Variants in ZNF429 observed in about 807,000 individuals in gnomAD.
ZNF429 encodes the protein zinc finger protein 429.
ZNF429 carries 53 observed loss-of-function variants against 56.8 expected under a neutral mutation model. The ratio of observed to expected loss-of-function variants is 0.93; its 90% CI spans 0.75 to 1.17. ZNF429 has a LOEUF of 1.17. Among genes scored for constraint, ZNF429 ranks in the 50% most tolerant of loss-of-function variants. ZNF429 has a pLI of 0.00. For missense variants in ZNF429, 849 were observed against 788.4 expected (o/e 1.08, Z -0.92); for synonymous variants, 278 against 264.7 (o/e 1.05, Z -0.49).
At chr19:21,532,104 A>G in intron 3 of ZNF429, among the ~76,000 whole-genome samples, 1 of 152,170 alleles carries the variant, frequency 6.6e-6, no homozygotes, top group Non-Finnish European at 1.5e-5. Flanking sequence ...TTACAATTAA[A>G]AATATATCAA....
intron 1 of ZNF429, among the ~76,000 whole-genome samples, chr19:21,512,266 G>A (rs1317163445): frequency 6.6e-6 from 1 of 152,100 alleles, no homozygotes; most frequent in Non-Finnish European, 1.5e-5. Flanking sequence ...GTTACTCTCA[G>A]GGCCATCTTG....
At position 21,538,403 on chromosome 19, in the gene ZNF429, C is replaced by T. The variant is rs1391495232; in HGVS notation, c.*325C>T. ...GATCACGAGGTCAGGAGTTCAAGAC[C>T]AGCCTGGTCAACATGGTAAAACCCC... On this transcript the variant is annotated 3_prime_UTR_variant, in exon 4 of 4. Coordinates refer to ENST00000358491, the MANE Select transcript of ZNF429 (RefSeq NM_001001415.4). Among the ~76,000 whole-genome samples, 2 of 151,828 alleles carry T rather than the reference C, an allele frequency of 1.3e-5. No homozygotes were observed. The highest frequency in any genetic ancestry group is 2.9e-5 in the Non-Finnish European group (2 of 67,958).
At position 21,520,309 on chromosome 19, in the gene ZNF429, A is replaced by G. The variant is rs146748391; in HGVS notation, c.4-9349A>G. 2.5e-3 allele frequency among the ~76,000 whole-genome samples: 377 copies of G among 152,340 alleles called. 3 individuals carry two copies. The highest frequency in any genetic ancestry group is 8.9e-3 in the African/African-American group (368 of 41,576). On this transcript the variant is annotated intron_variant, in intron 1 of 3. Coordinates refer to ENST00000358491, the MANE Select transcript of ZNF429 (RefSeq NM_001001415.4). The stretch of plus-strand genomic sequence containing the variant: ...TTCAGATGTCCAAGGGTTCAGGGAC[A>G]TGTCCAGAGACTTGGTTGTTGTAGG...
intron 1 of ZNF429, among the ~76,000 whole-genome samples, chr19:21,519,738 A>G (rs1373870231): frequency 2.6e-5 from 4 of 152,144 alleles, no homozygotes; most frequent in Admixed American, 2.0e-4. Flanking sequence ...CGGTCTTTCC[A>G]GTCTCCTAAT....
intron 3 of ZNF429, among the ~76,000 whole-genome samples, chr19:21,533,607 G>T: frequency 6.7e-6 from 1 of 148,644 alleles, no homozygotes; most frequent in Admixed American, 6.7e-5. Context: ...TATTTAAAAT[G>T]TTTTTTGTAT....
chr19:21,516,590 G>T (rs2032754552), intron 1 of ZNF429, among the ~76,000 whole-genome samples: 2 of 152,054 alleles, frequency 1.3e-5, no homozygotes, highest in Non-Finnish European at 1.5e-5. Flanking sequence ...AGTAGTTTTT[G>T]ATTTGTTTGT....
chr19:21,532,815 C>T, intron 3 of ZNF429, among the ~76,000 whole-genome samples: 4 of 151,846 alleles, frequency 2.6e-5, no homozygotes, highest in Non-Finnish European at 5.9e-5. Context: ...TCTCCAACCT[C>T]AGCCTCCCAA....
chr19:21,511,337 G>A (rs553291988), intron 1 of ZNF429, among the ~76,000 whole-genome samples: 27 of 151,298 alleles, frequency 1.8e-4, no homozygotes, highest in South Asian at 6.3e-4. Context: ...GCTGCCAGGC[G>A]GAGGGTCTCC....
rs181303228 is a variant in ZNF429 at position 21,523,562 on chromosome 19, C to T, written c.4-6096C>T. ...CTATAGCCCATACTCTAAACCCTAA[C>T]GATGTACACTCAATCAGTAATCAAT... On this transcript the variant is annotated intron_variant, in intron 1 of 3. Transcript: ENST00000358491. Among the ~76,000 whole-genome samples, 14 of 152,320 alleles carry T rather than the reference C, an allele frequency of 9.2e-5. No homozygotes were observed. In the East Asian group the frequency reaches 1.3e-3, roughly 15 times the overall value.
chr19:21,528,273 G>T (rs1409822317), intron 1 of ZNF429, among the ~76,000 whole-genome samples: 5 of 152,118 alleles, frequency 3.3e-5, no homozygotes, highest in African/African-American at 1.2e-4. Context: ...TTGGCTTTAT[G>T]CAGAACAGGA....
Position 21,538,088 on chromosome 19 carries a change from A to AC in ZNF429, c.*14dup. The AC allele has an allele frequency of 9.6e-7, 1 of 1,039,252 alleles. No individual in the cohort carries two copies. Among genetic ancestry groups the AC allele is most frequent in the Non-Finnish European group, 1.4e-6 (1 of 722,892 alleles). 64.4% of individuals were successfully genotyped at this position (1,039,252 alleles called of 1,614,324 possible). A position where few individuals can be genotyped will look rare whatever the true frequency, so the allele number is the denominator to read the frequency against. ...AGACCGTCCTGGCTAACATGGTGAA[A>AC]CCCCGTCTCTACTAAAAATACAAAA... On this transcript the variant is annotated 3_prime_UTR_variant, in exon 4 of 4. Transcript: ENST00000358491.
chr19:21,520,873 C>T (rs1188529431), intron 1 of ZNF429, among the ~76,000 whole-genome samples: 17 of 152,174 alleles, frequency 1.1e-4, no homozygotes, highest in Admixed American at 1.1e-3. Context: ...TGTTTGTCAA[C>T]AACCTGCACT....
chr19:21,525,179 A>G (rs1043707573), intron 1 of ZNF429, among the ~76,000 whole-genome samples: 1 of 152,212 alleles, frequency 6.6e-6, no homozygotes, highest in African/African-American at 2.4e-5. Context: ...AGGGATATTT[A>G]TGGACAGAAG....
At chr19:21,515,240 CTTTTTTTT>C (rs35926199) in intron 1 of ZNF429, among the ~76,000 whole-genome samples, 1 of 128,132 alleles carries the variant, frequency 7.8e-6, no homozygotes, top group Non-Finnish European at 1.6e-5. Context: ...TGTGCCTGGC[CTTTTTTTT>C]TTTTTTTTTT....
chr19:21,525,045 A>C (rs1217155907), intron 1 of ZNF429, among the ~76,000 whole-genome samples: 1 of 152,176 alleles, frequency 6.6e-6, no homozygotes, highest in Non-Finnish European at 1.5e-5. Flanking sequence ...TAGACTATCA[A>C]CTGGATAAAT....
Position 21,537,491 on chromosome 19 carries a change from C to A in ZNF429, c.1438C>A (p.Pro480Thr). The A allele has an allele frequency of 1.9e-6, 3 of 1,613,918 alleles. No individual in the cohort carries two copies. Among genetic ancestry groups the A allele is most frequent in the East Asian group, 2.2e-5 (1 of 44,844 alleles). ...TAGGAGAATTCATACTGGAGAGAAA[C>A]CCTACAAATGTGAAGAATGTGGCAA... is the stretch of plus-strand genomic sequence containing the variant. ...SHRRIHTGEK[P>T]YKCEECGKAF... is the part of the protein sequence containing the mutation. The change falls in exon 4 of 4, where the codon CCC (proline) becomes ACC (threonine). Residue 480 changes from proline to threonine, a missense_variant. Coordinates refer to ENST00000358491, the MANE Select transcript of ZNF429 (RefSeq NM_001001415.4).
chr19:21,529,695 C>A lies in ZNF429; in HGVS notation c.41C>A (p.Ser14Tyr), dbSNP rs1428462633. ...TTTACAGATGTGGCCATAGAATTCTCTCTGGAGGAGTGGCAGTGCCTGGAC... is the reference window on the plus strand; with the variant it reads ...TTTACAGATGTGGCCATAGAATTCTATCTGGAGGAGTGGCAGTGCCTGGAC... ...LTFTDVAIEF[S>Y]LEEWQCLDTA... The change falls in exon 2 of 4, where the codon TCT becomes TAT. Residue 14 changes from serine to tyrosine, a missense_variant. Transcript: ENST00000358491. 6.3e-7 allele frequency: 1 copy of A among 1,599,892 alleles called. No individual in the cohort carries two copies. Among genetic ancestry groups the A allele is most frequent in the Non-Finnish European group, 8.5e-7 (1 of 1,172,202 alleles).
Position 21,539,574 on chromosome 19 carries a change from A to G in ZNF429, c.*1496A>G, listed in dbSNP as rs1435380912. 6.7e-6 allele frequency among the ~76,000 whole-genome samples: 1 copy of G among 149,980 alleles called. No individual in the cohort carries two copies. The highest frequency in any genetic ancestry group is 1.5e-5 in the Non-Finnish European group (1 of 67,752). ...GTAGCTGGGAATACAGGCATACACCAGCATGTCTGGCTATTTTTTTTTTTT... is the reference window on the plus strand; with the variant it reads ...GTAGCTGGGAATACAGGCATACACCGGCATGTCTGGCTATTTTTTTTTTTT... On this transcript the variant is annotated 3_prime_UTR_variant, in exon 4 of 4. Transcript: ENST00000358491.
rs2033796877 is a variant in ZNF429 at position 21,538,185 on chromosome 19, A to G, written c.*107A>G. 2.1e-6 allele frequency: 1 copy of G among 474,788 alleles called. No homozygotes were observed. The highest frequency in any genetic ancestry group is 3.6e-5 in the Admixed American group (1 of 27,934). 29.4% of individuals were successfully genotyped at this position (474,788 alleles called of 1,614,324 possible). A position where few individuals can be genotyped will look rare whatever the true frequency, so the allele number is the denominator to read the frequency against. ...TCCCACCTACTCGGGAGGCTGAGGC[A>G]GGAGAATGGCCTGAACCCGGAGGTG... On this transcript the variant is annotated 3_prime_UTR_variant, in exon 4 of 4. Coordinates refer to ENST00000358491, the MANE Select transcript of ZNF429 (RefSeq NM_001001415.4).
Sources: gnomAD v4.1 joint callset for allele counts (sites outside exome capture counted in the v4.1 genomes callset) on GRCh38, gnomAD v4.1.1 for gene constraint, MANE v1.5 for transcripts, NCBI Gene and HGNC (gene_info 2026-07-23, HGNC 2026-07-21) for gene names.